The following SLC36A1 variants were observed in gnomAD, a reference collection of about 807,000 sequenced individuals.
SLC36A1 encodes the protein proton-coupled amino acid transporter 1.
In SLC36A1, 30 loss-of-function variants were observed where a neutral mutation model predicts 47.5. The observed-to-expected ratio is 0.63, with a 90% confidence interval of 0.47 to 0.86. The LOEUF is 0.86. SLC36A1 is among the 40% of genes least tolerant of loss of function. The pLI is 0.00. For missense variants in SLC36A1, 517 were observed against 606.0 expected (o/e 0.85, Z 1.54); for synonymous variants, 255 against 249.7 (o/e 1.02, Z -0.20).
At chr5:151,529,837 C>G in the SLC36A1 span, among the ~76,000 whole-genome samples, 2 of 152,258 alleles carry the variant, frequency 1.3e-5, no homozygotes, top group Middle Eastern at 3.4e-3. Flanking sequence ...CATTAATACT[C>G]AAAGTTGCCC....
the SLC36A1 span, among the ~76,000 whole-genome samples, chr5:151,402,929 G>A: frequency 8.0e-3 from 1,224 of 152,184 alleles, 20 homozygotes; most frequent in African/African-American, 0.028. Context: ...TGGTCTGTCA[G>A]TCTTGTTTAT....
chr5:151,398,358 C>T, the SLC36A1 span, among the ~76,000 whole-genome samples: 2 of 152,098 alleles, frequency 1.3e-5, no homozygotes, highest in Admixed American at 1.3e-4. Context: ...ATCCCAATTT[C>T]GGGTGTAAGG....
the SLC36A1 span, chr5:151,406,569 G>C: frequency 1.3e-5 from 2 of 152,054 alleles, no homozygotes; most frequent in African/African-American, 4.8e-5. Context: ...TCTTGAAAGA[G>C]AAACACAGGA....
chr5:151,399,088 T>A, the SLC36A1 span, among the ~76,000 whole-genome samples: 1,978 of 68,460 alleles, frequency 0.029, 7 homozygotes, highest in African/African-American at 0.079. Flanking sequence ...ATATATATTT[T>A]TTTTTTTTTT....
the SLC36A1 span, chr5:151,534,275 A>G: frequency 3.3e-6 from 2 of 606,932 alleles, no homozygotes; most frequent in Admixed American, 6.3e-5. Flanking sequence ...AATACTTTTT[A>G]CTTTTAAGTG....
chr5:151,512,498 C>T, the SLC36A1 span: 4 of 1,614,188 alleles, frequency 2.5e-6, no homozygotes, highest in East Asian at 6.7e-5. This position sits in a 1 kb window ranked among gnomAD's most constrained non-coding sequence, Gnocchi z 4.1. Context: ...TCCATCTCCT[C>T]CACCAGGATG....
intron 5 of SLC36A1, 139 bp from the exon 6 acceptor site, chr5:151,467,060 A>G (rs779045940): frequency 3.7e-5 from 24 of 655,760 alleles, no homozygotes; most frequent in Non-Finnish European, 5.9e-5. Context: ...CACTACCACT[A>G]TGCAGTATAT....
chr5:151,408,981 TC>T, the SLC36A1 span, among the ~76,000 whole-genome samples: 9 of 148,812 alleles, frequency 6.0e-5, no homozygotes, highest in South Asian at 2.0e-3. Flanking sequence ...ATTTTTTTTT[TC>T]TTTTCTTTTC....
At chr5:151,537,763 T>C in the SLC36A1 span, 6 of 1,593,036 alleles carry the variant, frequency 3.8e-6, no homozygotes, top group African/African-American at 8.1e-5. Flanking sequence ...AAGAAGTTCT[T>C]GTTTTGATCC....
At chr5:151,447,471 C>T (rs1019845500), upstream of SLC36A1, 5 of 152,358 alleles carry the variant, frequency 3.3e-5, no homozygotes, top group Admixed American at 1.3e-4. Context: ...CATAGTCCTT[C>T]CAGCAGTGGC....
At chr5:151,400,865 G>T in the SLC36A1 span, among the ~76,000 whole-genome samples, 1 of 151,882 alleles carries the variant, frequency 6.6e-6, no homozygotes, top group Non-Finnish European at 1.5e-5. Context: ...TTTTAATGGG[G>T]TTATTTAGTT....
At chr5:151,473,831 C>G in intron 8 of SLC36A1, 60 bp downstream of exon 8, 3 of 1,287,994 alleles carry the variant, frequency 2.3e-6, no homozygotes, top group African/African-American at 1.5e-5. Flanking sequence ...TTCTCCAGGT[C>G]TGTTTCAAGG....
At chr5:151,360,302 C>T in the SLC36A1 span, among the ~76,000 whole-genome samples, 19 of 152,164 alleles carry the variant, frequency 1.2e-4, no homozygotes, top group South Asian at 4.2e-4. Context: ...AGTTGATTAA[C>T]GCACACTTTG....
At chr5:151,544,551 G>A in the SLC36A1 span, 1 of 1,614,070 alleles carries the variant, frequency 6.2e-7, no homozygotes, top group Non-Finnish European at 8.5e-7. Context: ...GGGCCTGGGT[G>A]TGGAGAATTG....
the SLC36A1 span, chr5:151,504,521 G>A: frequency 0.016 from 2,403 of 152,804 alleles, 35 homozygotes; most frequent in Non-Finnish European, 0.023. Flanking sequence ...ATGGGCAGGC[G>A]TCTGCAATGG....
At chr5:151,364,202 C>T in the SLC36A1 span, among the ~76,000 whole-genome samples, 1 of 152,146 alleles carries the variant, frequency 6.6e-6, no homozygotes, top group African/African-American at 2.4e-5. Flanking sequence ...ATTTTATGCA[C>T]TCATGACCTA....
chr5:151,447,584 G>A (rs1485979247), upstream of SLC36A1: 2 of 152,450 alleles, frequency 1.3e-5, no homozygotes, highest in Non-Finnish European at 2.9e-5. Context: ...CTCTGGCGTG[G>A]GCGGTGGGAT....
chr5:151,512,321 C>T, the SLC36A1 span: 18 of 1,614,100 alleles, frequency 1.1e-5, no homozygotes, highest in Middle Eastern at 1.6e-4. The surrounding 1 kb of genome is among the most constrained non-coding windows in gnomAD (Gnocchi z 4.1). Flanking sequence ...TCGTTGACCA[C>T]GACAGCATCC....
chr5:151,417,749 G>A, the SLC36A1 span, among the ~76,000 whole-genome samples: 2 of 152,198 alleles, frequency 1.3e-5, no homozygotes, highest in Admixed American at 1.3e-4. Flanking sequence ...CAATAGAAAA[G>A]AATAACCAGT....
Sources: allele counts gnomAD v4.1 joint callset (sites outside exome capture counted in the v4.1 genomes callset), GRCh38; gene constraint gnomAD v4.1.1; non-coding constraint Gnocchi (gnomAD v3.1); transcripts MANE v1.5; gene names NCBI Gene and HGNC (gene_info 2026-07-23, HGNC 2026-07-21).